Variants in STK10 observed in about 807,000 individuals in gnomAD.
STK10 encodes the protein serine/threonine kinase 10.
A neutral mutation model predicts 113.8 loss-of-function variants in STK10; 78 were observed. The observed-to-expected ratio is 0.69, with a 90% CI of 0.57 to 0.83. The LOEUF is 0.83. Among genes scored for constraint, STK10 ranks in the 40% least tolerant of loss-of-function variants. The pLI, the probability that STK10 is intolerant of heterozygous loss-of-function variation, is 0.00. For synonymous variants in STK10, 465 were observed against 494.7 expected, an observed-to-expected ratio of 0.94 and a Z score of 0.80; for missense variants, 1,109 against 1,280.1, an observed-to-expected ratio of 0.87 and a Z score of 2.04.
At chr5:172,068,506 T>C (rs920961681) in intron 12 of STK10, among the ~76,000 whole-genome samples, 8 of 152,142 alleles carry the variant, frequency 5.3e-5, no homozygotes, top group Non-Finnish European at 8.8e-5. Context: ...AGAAGAAAAC[T>C]TGTATCTTCA....
rs59515228 is a variant in STK10, at chr5:172,043,090, A to AT, written c.*1791dup. 8.4e-3 allele frequency: 1,150 copies of AT among 137,056 alleles called. 8 individuals are homozygous for AT. Among genetic ancestry groups the AT allele is most frequent in the Middle Eastern group, 0.026 (7 of 272 alleles). 8.5% of individuals were successfully genotyped at this position (137,056 alleles called of 1,614,324 possible). On this transcript the variant is annotated 3_prime_UTR_variant, in exon 19 of 19. Coordinates refer to ENST00000176763, the MANE Select transcript of STK10 (RefSeq NM_005990.4). ...CATATTAGAGACCCTGTCTCAAAGA[A>AT]TTTTTTTTTTTTTTTTTTTTGAGAG...
At chr5:172,106,505 G>A (rs1769113780) in intron 6 of STK10, 115 bp downstream of exon 6, 4 of 1,189,372 alleles carry the variant, frequency 3.4e-6, no homozygotes, top group South Asian at 3.2e-5. Context: ...CTCCTTTGGA[G>A]CTAGCAGCAC....
rs998488748 is a variant in STK10 at position 172,159,543 on chromosome 5, C to T, written c.157-2755G>A. Among the ~76,000 whole-genome samples the T allele has an allele frequency of 1.2e-4, 19 of 152,142 alleles. 1 individual carries two copies. Among genetic ancestry groups the T allele is most frequent in the African/African-American group, 4.3e-4 (18 of 41,500 alleles). ...GGTGACAGGAAAAAAAGAAAACAGC[C>T]GGGCACAGTGGCTCATGCCTGTAAT... is the stretch of plus-strand genomic sequence containing the variant. On this transcript the variant is annotated intron_variant, in intron 1 of 18. Coordinates refer to ENST00000176763, the MANE Select transcript of STK10 (RefSeq NM_005990.4).
chr5:172,085,558 G>A (rs1420164942), intron 10 of STK10, among the ~76,000 whole-genome samples: 1 of 151,690 alleles, frequency 6.6e-6, no homozygotes, highest in Non-Finnish European at 1.5e-5. Flanking sequence ...GTATGGTGGT[G>A]CACGTCTGTA....
chr5:172,128,371 C>T (rs143141705), intron 2 of STK10, among the ~76,000 whole-genome samples: 2,958 of 139,752 alleles, frequency 0.021, 102 homozygotes, highest in African/African-American at 0.075. Context: ...GACAGACTCT[C>T]GCTCTTGTCA....
At chr5:172,143,572 C>T (rs1157274796) in intron 2 of STK10, among the ~76,000 whole-genome samples, 1 of 152,122 alleles carries the variant, frequency 6.6e-6, no homozygotes, top group Non-Finnish European at 1.5e-5. Flanking sequence ...ATTAAATAAG[C>T]CACAGCCAGG....
At chr5:172,163,490 C>A (rs987872009) in intron 1 of STK10, among the ~76,000 whole-genome samples, 10 of 152,192 alleles carry the variant, frequency 6.6e-5, no homozygotes, top group African/African-American at 1.9e-4. Flanking sequence ...AGTGCTCAGG[C>A]AGCCAGAATG....
intron 2 of STK10, among the ~76,000 whole-genome samples, chr5:172,130,753 T>C (rs1769737118): frequency 6.6e-6 from 1 of 152,112 alleles, no homozygotes; most frequent in Non-Finnish European, 1.5e-5. Context: ...ATCTCTTGCC[T>C]CCAACTTCAT....
intron 1 of STK10, among the ~76,000 whole-genome samples, chr5:172,177,172 T>TAA (rs748019558): frequency 0.34 from 47,220 of 139,774 alleles, 8,103 homozygotes; most frequent in African/African-American, 0.44. Context: ...GTGCAGTCTT[T>TAA]AAAAAAAAAA....
chr5:172,128,559 G>A (rs1015288016), intron 2 of STK10, among the ~76,000 whole-genome samples: 4 of 152,132 alleles, frequency 2.6e-5, no homozygotes, highest in African/African-American at 9.7e-5. Context: ...TCAAACATCT[G>A]ACCTCAGGTG....
chr5:172,170,122 CTTTT>C (rs11347358), intron 1 of STK10, among the ~76,000 whole-genome samples: 3 of 119,436 alleles, frequency 2.5e-5, no homozygotes, highest in Non-Finnish European at 5.2e-5. Context: ...AGTATGTATC[CTTTT>C]TTTTTTTTTT....
chr5:172,156,522 C>T (rs2113817610), intron 2 of STK10, 102 bp downstream of exon 2: 3 of 1,448,282 alleles, frequency 2.1e-6, no homozygotes, highest in Middle Eastern at 4.6e-4. Context: ...CCCTCGTCCT[C>T]AAAGCAGATG....
chr5:172,172,468 G>A (rs910373593), intron 1 of STK10, among the ~76,000 whole-genome samples: 1 of 152,242 alleles, frequency 6.6e-6, no homozygotes, highest in Non-Finnish European at 1.5e-5. Flanking sequence ...CGCTGGGCTT[G>A]GGTCAGTTCT....
At chr5:172,139,728 T>C (rs1256581306) in intron 2 of STK10, among the ~76,000 whole-genome samples, 1 of 151,420 alleles carries the variant, frequency 6.6e-6, no homozygotes, top group African/African-American at 2.4e-5. Flanking sequence ...AGTGTTAAAC[T>C]TAAAAAAGGA....
intron 1 of STK10, among the ~76,000 whole-genome samples, chr5:172,157,642 G>A (rs1165223565): frequency 6.6e-6 from 1 of 152,042 alleles, no homozygotes; most frequent in African/African-American, 2.4e-5. Context: ...CCAGGCTGAA[G>A]TGCAGTGGTG....
rs201099304 is a variant in STK10, at chr5:172,057,311, G to C, written c.2337+38C>G. On this transcript the variant is annotated intron_variant, in intron 15 of 18. Coordinates refer to ENST00000176763, the MANE Select transcript of STK10 (RefSeq NM_005990.4). The stretch of plus-strand genomic sequence containing the variant: ...CCTCATGGCTCTCCCAGGTCGGCCC[G>C]GCAGCAGATCCGAGCCCCGTGCCAC... The C allele has an allele frequency of 7.3e-5, 114 of 1,570,224 alleles. 1 individual carries two copies. The East Asian group carries it at 2.4e-3, about 32-fold the overall frequency.
At chr5:172,130,578 T>C (rs772341531) in intron 2 of STK10, among the ~76,000 whole-genome samples, 14 of 151,042 alleles carry the variant, frequency 9.3e-5, no homozygotes, top group Admixed American at 2.6e-4. Context: ...ACCGTGGATA[T>C]GTAACAAGGT....
At chr5:172,109,057 T>G (rs1426168687) in intron 4 of STK10, among the ~76,000 whole-genome samples, 2 of 152,134 alleles carry the variant, frequency 1.3e-5, no homozygotes, top group Non-Finnish European at 2.9e-5. Context: ...AGTGCTGGGA[T>G]TATAGGCGTG....
intron 18 of STK10, among the ~76,000 whole-genome samples, chr5:172,049,602 A>G (rs77407474): frequency 0.012 from 1,788 of 151,996 alleles, 34 homozygotes; most frequent in African/African-American, 0.041. Flanking sequence ...AGGGGGCCCA[A>G]AACGCTTTCT....
Sources: gnomAD v4.1 joint callset for allele counts (sites outside exome capture counted in the v4.1 genomes callset) on GRCh38, gnomAD v4.1.1 for gene constraint, MANE v1.5 for transcripts, NCBI Gene and HGNC (gene_info 2026-07-23, HGNC 2026-07-21) for gene names.